Variants in TSHZ2 observed in about 807,000 individuals in gnomAD.
TSHZ2 encodes the protein teashirt homolog 2.
TSHZ2 carries 21 observed loss-of-function variants against 74.4 expected under a neutral mutation model. The observed-to-expected ratio is 0.28, with a 90% confidence interval of 0.20 to 0.41. The LOEUF (loss-of-function observed/expected upper bound fraction) is 0.41, where lower values mean the gene tolerates loss of function less well. Ranked by LOEUF, TSHZ2 falls within the 10% of genes least tolerant of loss-of-function variation. The pLI is 1.00. For synonymous variants in TSHZ2, 540 were observed against 515.3 expected (o/e 1.05, Z -0.65); for missense variants, 1,244 against 1,293.5 (o/e 0.96, Z 0.59).
Position 53,494,205 on chromosome 20 carries a change from T to A in TSHZ2, c.*7070T>A, listed in dbSNP as rs75293464. On this transcript the variant is annotated 3_prime_UTR_variant, in exon 3 of 3. Coordinates refer to ENST00000371497, the MANE Select transcript of TSHZ2 (RefSeq NM_173485.6). ...TGGGAGGCTGAGGCAAGAGAATTGC[T>A]TGAGCCCGGGAGGCGAAGGTTGCAG... 1.3e-5 allele frequency: 2 copies of A among 152,400 alleles called. No homozygotes were observed. 9.4% of individuals were successfully genotyped at this position (152,400 alleles called of 1,614,324 possible).
intron 2 of TSHZ2, among the ~76,000 whole-genome samples, chr20:53,271,892 A>G (rs1990848248): frequency 6.6e-6 from 1 of 152,206 alleles, no homozygotes; most frequent in South Asian, 2.1e-4. Flanking sequence ...CCTTGGGTGC[A>G]CAAACTTTGT....
intron 1 of TSHZ2, among the ~76,000 whole-genome samples, chr20:53,142,806 G>A (rs770812034): frequency 2.0e-5 from 3 of 148,704 alleles, no homozygotes; most frequent in Admixed American, 6.8e-5. Context: ...CCCACAAGCC[G>A]GTAACAGTAT....
intron 1 of TSHZ2, among the ~76,000 whole-genome samples, chr20:53,186,897 G>T (rs550730682): frequency 1.0e-3 from 156 of 150,980 alleles, no homozygotes; most frequent in African/African-American, 3.5e-3. Flanking sequence ...GGACACTAGG[G>T]TTTAATATAT....
chr20:53,494,859 T>G lies in TSHZ2; in HGVS notation c.*7724T>G, dbSNP rs988853377. On this transcript the variant is annotated 3_prime_UTR_variant, in exon 3 of 3. Transcript: ENST00000371497. ...TGAAAAAAAAAAAGTCTCTTTTTTT[T>G]CCCCCACTCAGCAGTTATTGGAAAT... 1 of 152,062 alleles carries G rather than the reference T, an allele frequency of 6.6e-6. No homozygotes were observed. The highest frequency in any genetic ancestry group is 2.4e-5 in the African/African-American group (1 of 41,410). The allele number at this position is 152,062 out of a possible 1,614,324, so 9.4% of individuals were successfully genotyped here. A position where few individuals can be genotyped will look rare whatever the true frequency, so the allele number is the denominator to read the frequency against.
At chr20:53,173,761 A>G (rs1988258943) in intron 1 of TSHZ2, among the ~76,000 whole-genome samples, 1 of 152,152 alleles carries the variant, frequency 6.6e-6, no homozygotes, top group South Asian at 2.1e-4. Context: ...GGTAGAAAGT[A>G]TTTTTGTAAA....
intron 2 of TSHZ2, among the ~76,000 whole-genome samples, chr20:53,416,356 G>A (rs1252507042): frequency 1.3e-5 from 2 of 152,322 alleles, no homozygotes; most frequent in East Asian, 1.9e-4. Context: ...AGCAATATCC[G>A]AAAGTCTGCT....
chr20:53,225,032 T>C (rs1350867470), intron 1 of TSHZ2, among the ~76,000 whole-genome samples: 3 of 152,196 alleles, frequency 2.0e-5, no homozygotes, highest in Non-Finnish European at 4.4e-5. Context: ...GTATGGTTTC[T>C]GTTGCAACTG....
At chr20:53,407,654 G>T (rs1982899402) in intron 2 of TSHZ2, among the ~76,000 whole-genome samples, 1 of 152,186 alleles carries the variant, frequency 6.6e-6, no homozygotes. Context: ...GGGAATTCTT[G>T]CCATACATCT....
intron 2 of TSHZ2, among the ~76,000 whole-genome samples, chr20:53,431,926 A>G (rs1014114135): frequency 3.9e-5 from 6 of 152,222 alleles, no homozygotes; most frequent in Non-Finnish European, 8.8e-5. Context: ...GAGTTAGTAA[A>G]GGAAGCCTAT....
At chr20:53,190,185 C>CTG (rs1285354685) in intron 1 of TSHZ2, among the ~76,000 whole-genome samples, 54 of 130,168 alleles carry the variant, frequency 4.1e-4, no homozygotes, top group African/African-American at 1.5e-3. Context: ...ATCTGTGTTT[C>CTG]TGTGTGTTTA....
chr20:53,164,653 C>A, intron 1 of TSHZ2, among the ~76,000 whole-genome samples: 1 of 152,174 alleles, frequency 6.6e-6, no homozygotes, highest in Non-Finnish European at 1.5e-5. Flanking sequence ...TAAATGCCCA[C>A]ATGGAGTTAG....
intron 1 of TSHZ2, among the ~76,000 whole-genome samples, chr20:53,002,767 A>G (rs1982487117): frequency 1.3e-5 from 2 of 152,216 alleles, no homozygotes. Context: ...CAAGCTTTAA[A>G]GAACATAAGT....
At chr20:53,272,391 G>T (rs779113361) in intron 2 of TSHZ2, among the ~76,000 whole-genome samples, 15 of 152,160 alleles carry the variant, frequency 9.9e-5, no homozygotes, top group Non-Finnish European at 1.5e-4. Context: ...GAGGGCAGGG[G>T]CTGCATCTGA....
chr20:53,462,123 G>A (rs186500862), intron 2 of TSHZ2, among the ~76,000 whole-genome samples: 31 of 152,128 alleles, frequency 2.0e-4, no homozygotes, highest in Admixed American at 3.9e-4. Context: ...GCATGGTGGC[G>A]GGCACCTGTA....
At position 53,155,052 on chromosome 20, in the gene TSHZ2, ATTTT is replaced by A. The variant is rs11475183; in HGVS notation, c.41-98427_41-98424del. Among the ~76,000 whole-genome samples, 497 of 118,104 alleles carry A rather than the reference ATTTT, an allele frequency of 4.2e-3. 2 individuals are homozygous for A. The highest frequency in any genetic ancestry group is 0.015 in the African/African-American group (452 of 30,436). 77.5% of individuals were successfully genotyped at this position (118,104 alleles called of 152,430 possible). A position where few individuals can be genotyped will look rare whatever the true frequency, so the allele number is the denominator to read the frequency against. On this transcript the variant is annotated intron_variant, in intron 1 of 2. Coordinates refer to ENST00000371497, the MANE Select transcript of TSHZ2 (RefSeq NM_173485.6). ...TTCTAAGACAGGTGTTTGAATATGC[ATTTT>A]TTTTTTTTTTTTTTTTTTTAGTTTT...
chr20:53,410,679 C>CT (rs575638998), intron 2 of TSHZ2, among the ~76,000 whole-genome samples: 203 of 134,876 alleles, frequency 1.5e-3, no homozygotes, highest in East Asian at 5.5e-3. Flanking sequence ...TCATAAGCAC[C>CT]TTTTTTTTTT....
intron 1 of TSHZ2, among the ~76,000 whole-genome samples, chr20:53,159,043 C>G (rs955267836): frequency 6.6e-6 from 1 of 152,158 alleles, no homozygotes; most frequent in African/African-American, 2.4e-5. Flanking sequence ...AAAACAAATA[C>G]GATAGGTACA....
At chr20:53,442,993 G>T (rs1984397421) in intron 2 of TSHZ2, among the ~76,000 whole-genome samples, 1 of 152,158 alleles carries the variant, frequency 6.6e-6, no homozygotes, top group East Asian at 1.9e-4. Flanking sequence ...TTTTTTAATA[G>T]CATGTCCTCG....
intron 2 of TSHZ2, among the ~76,000 whole-genome samples, chr20:53,362,747 G>C (rs1048223993): frequency 6.6e-6 from 1 of 152,178 alleles, no homozygotes; most frequent in Admixed American, 6.5e-5. Flanking sequence ...TCATGCCGAA[G>C]TATTTAAATG....
Sources: allele counts gnomAD v4.1 joint callset (sites outside exome capture counted in the v4.1 genomes callset), GRCh38; gene constraint gnomAD v4.1.1; transcripts MANE v1.5; gene names NCBI Gene and HGNC (gene_info 2026-07-23, HGNC 2026-07-21).